Variants in VPS54 observed in about 807,000 individuals in gnomAD.
VPS54 encodes vacuolar protein sorting-associated protein 54.
Under a neutral mutation model 121.5 loss-of-function variants are expected in VPS54, and 45 were observed. That is an observed-to-expected ratio of 0.37 (90% CI 0.29 to 0.47). The LOEUF is 0.47. VPS54 is among the 20% of genes least tolerant of loss of function. The probability of loss-of-function intolerance (pLI) is 0.99; values close to 1 mark genes in which losing one functional copy is unlikely to be tolerated. For missense variants in VPS54, 1,090 were observed against 1,131.4 expected (o/e 0.96, Z 0.52); for synonymous variants, 371 against 385.8 (o/e 0.96, Z 0.45).
intron 1 of VPS54, among the ~76,000 whole-genome samples, chr2:63,991,637 T>C (rs1677324778): frequency 6.6e-6 from 1 of 152,210 alleles, no homozygotes; most frequent in African/African-American, 2.4e-5. Context: ...GCTCACGTCG[T>C]CGCAAGGTAA....
At chr2:63,964,633 G>A (rs1183376059) in intron 6 of VPS54, among the ~76,000 whole-genome samples, 1 of 152,110 alleles carries the variant, frequency 6.6e-6, no homozygotes, top group African/African-American at 2.4e-5. Flanking sequence ...TGACAATGTT[G>A]CCAAAGGAAA....
chr2:63,961,908 A>G lies in VPS54; in HGVS notation c.1010+150T>C, dbSNP rs1675787914. 5 of 859,532 alleles carry G rather than the reference A, an allele frequency of 5.8e-6. No homozygotes were observed. In the South Asian group the frequency reaches 1.4e-4, roughly 24 times the overall value. The allele number at this position is 859,532 out of a possible 1,614,324, so 53.2% of individuals were successfully genotyped here. ...GTTTTTGTTTTGCTAATACTACAAT[A>G]TCAGAATAACATTATTAAACAAATG... On this transcript the variant is annotated intron_variant, in intron 7 of 22. Transcript: ENST00000272322.
At position 63,913,271 on chromosome 2, in the gene VPS54, C is replaced by G; in HGVS notation, c.2374G>C (p.Gly792Arg). Residue 792 changes from glycine to arginine, a missense_variant, in exon 18 of 23, where the codon GGT becomes CGT. Physicochemically the swap from Gly to Arg is moderately radical, Grantham distance 125. Coordinates refer to ENST00000272322, the MANE Select transcript of VPS54 (RefSeq NM_016516.3). Reference protein sequence around the residue: ...SRSCQLVLGAGALQVVGLKTI... With the variant: ...SRSCQLVLGARALQVVGLKTI... ...TTTAGTCCAACAACTTGCAGTGCAC[C>G]AGCTCCAAGAACTAACTGGCAACTT... 6.2e-7 allele frequency: 1 copy of G among 1,610,624 alleles called. No individual in the cohort carries two copies. Among genetic ancestry groups the G allele is most frequent in the African/African-American group, 1.3e-5 (1 of 74,770 alleles).
intron 7 of VPS54, among the ~76,000 whole-genome samples, chr2:63,961,050 A>G (rs1385732664): frequency 6.6e-6 from 1 of 152,198 alleles, no homozygotes; most frequent in Non-Finnish European, 1.5e-5. Flanking sequence ...ATCATACTAT[A>G]TTACACTATA....
At chr2:63,949,363 A>G (rs1227980835) in intron 7 of VPS54, among the ~76,000 whole-genome samples, 200 bp from the exon 8 acceptor site, 1 of 152,180 alleles carries the variant, frequency 6.6e-6, no homozygotes, top group Non-Finnish European at 1.5e-5. Context: ...TTCTCTTTAC[A>G]GTTGACCCTT....
At chr2:63,978,929 A>G (rs1013468659) in intron 3 of VPS54, among the ~76,000 whole-genome samples, 1 of 152,132 alleles carries the variant, frequency 6.6e-6, no homozygotes, top group Middle Eastern at 3.4e-3. Context: ...CAGATTATCT[A>G]TTTTTTCTCG....
intron 1 of VPS54, among the ~76,000 whole-genome samples, chr2:64,012,286 T>C (rs567701378): frequency 6.6e-6 from 1 of 152,136 alleles, no homozygotes; most frequent in Non-Finnish European, 1.5e-5. Flanking sequence ...ATTACAAATT[T>C]ATGAGTTCCA....
At chr2:63,958,853 TTTC>T (rs1488717226) in intron 7 of VPS54, among the ~76,000 whole-genome samples, 1 of 152,216 alleles carries the variant, frequency 6.6e-6, no homozygotes, top group Non-Finnish European at 1.5e-5. Flanking sequence ...TACTGAAAGA[TTTC>T]TTATTTCAAG....
At chr2:63,973,312 T>C (rs768831503) in intron 3 of VPS54, among the ~76,000 whole-genome samples, 3 of 152,246 alleles carry the variant, frequency 2.0e-5, no homozygotes, top group Admixed American at 2.0e-4. Context: ...TTATTTGCCA[T>C]CTGCATTATC....
intron 1 of VPS54, among the ~76,000 whole-genome samples, chr2:63,991,094 C>T (rs534713784): frequency 1.3e-5 from 2 of 152,176 alleles, no homozygotes; most frequent in Non-Finnish European, 2.9e-5. Context: ...GATAGTTTCT[C>T]TGATACTTAT....
chr2:63,973,224 C>G (rs1382012560), intron 3 of VPS54, among the ~76,000 whole-genome samples: 4 of 152,190 alleles, frequency 2.6e-5, no homozygotes, highest in African/African-American at 9.7e-5. Context: ...TTTTGCTATT[C>G]TAATAGATAT....
At chr2:63,976,171 G>A (rs996746598) in intron 3 of VPS54, among the ~76,000 whole-genome samples, 31 of 151,784 alleles carry the variant, frequency 2.0e-4, no homozygotes, top group African/African-American at 6.1e-4. Context: ...GCAAAACCCC[G>A]TCACTACAAA....
chr2:63,973,873 C>T (rs543884680), intron 3 of VPS54, among the ~76,000 whole-genome samples: 1 of 152,236 alleles, frequency 6.6e-6, no homozygotes, highest in African/African-American at 2.4e-5. Context: ...TATGTGTTTT[C>T]TAAGTATTTT....
At chr2:64,008,277 G>A (rs1226900239) in intron 1 of VPS54, among the ~76,000 whole-genome samples, 1 of 152,118 alleles carries the variant, frequency 6.6e-6, no homozygotes, top group Non-Finnish European at 1.5e-5. Context: ...AGCCGGGCAT[G>A]GTGGCATGCA....
At chr2:63,948,936 A>C in intron 8 of VPS54, 101 bp downstream of exon 8, 3 of 1,451,406 alleles carry the variant, frequency 2.1e-6, no homozygotes, top group Non-Finnish European at 1.8e-6. Context: ...TAGCCCTTGA[A>C]ATTTAAGATA....
intron 1 of VPS54, among the ~76,000 whole-genome samples, chr2:64,003,698 A>C (rs1171293881): frequency 6.6e-6 from 1 of 152,258 alleles, no homozygotes; most frequent in Non-Finnish European, 1.5e-5. Flanking sequence ...AAGGAAAAGA[A>C]AAAACAATCA....
chr2:63,962,653 T>TA (rs1202462509), intron 6 of VPS54, among the ~76,000 whole-genome samples: 3 of 151,862 alleles, frequency 2.0e-5, no homozygotes, highest in Admixed American at 2.0e-4. Flanking sequence ...GACAAAAGAG[T>TA]ACAAGGTCAT....
chr2:63,966,625 T>C (rs1676015220), intron 5 of VPS54, among the ~76,000 whole-genome samples: 1 of 152,220 alleles, frequency 6.6e-6, no homozygotes, highest in Admixed American at 6.5e-5. Context: ...TTAGAGATAC[T>C]CCTCTACAAT....
chr2:64,004,866 C>T (rs868588482), intron 1 of VPS54, among the ~76,000 whole-genome samples: 1 of 152,214 alleles, frequency 6.6e-6, no homozygotes, highest in African/African-American at 2.4e-5. Flanking sequence ...GCAATCTCAA[C>T]CTCCTGGGTG....
Sources: allele counts gnomAD v4.1 joint callset (sites outside exome capture counted in the v4.1 genomes callset), GRCh38; gene constraint gnomAD v4.1.1; transcripts MANE v1.5; gene names NCBI Gene and HGNC (gene_info 2026-07-23, HGNC 2026-07-21).